The following TJP3 variants were observed in gnomAD, a reference collection of about 807,000 sequenced individuals.
The protein encoded by TJP3 is tight junction protein ZO-3.
TJP3 carries 85 observed loss-of-function variants against 104.2 expected under a neutral mutation model. That is an observed-to-expected ratio of 0.82 (90% CI 0.68 to 0.98). TJP3 has a LOEUF of 0.98. TJP3 is among the 50% of genes least tolerant of loss of function. The pLI is 0.00. For synonymous variants in TJP3, 550 were observed against 550.6 expected (o/e 1.00, Z 0.02); for missense variants, 1,367 against 1,322.8 (o/e 1.03, Z -0.52).
Position 3,746,851 on chromosome 19 carries a change from G to A in TJP3, c.2297G>A (p.Arg766Gln), listed in dbSNP as rs144396449. 7.0e-5 allele frequency: 113 copies of A among 1,610,632 alleles called. No individual in the cohort carries two copies. The highest frequency in any genetic ancestry group is 1.3e-4 in the African/African-American group (10 of 75,006). ...LKAIIREQQT[R>Q]PIWTAEDQLD... ...GCCATCATTCGAGAGCAGCAGACGC[G>A]GCCCATCTGGACGGCGGAAGATCAG... is the stretch of plus-strand genomic sequence containing the variant. The change falls in exon 18 of 21, where the codon CGG (arginine) becomes CAG (glutamine). Residue 766 changes from arginine (R) to glutamine (Q), a missense_variant. Arg to Gln is a conservative substitution (Grantham distance 43). Coordinates refer to ENST00000541714, the MANE Select transcript of TJP3 (RefSeq NM_001267560.2). This position sits in a 1 kb window ranked among gnomAD's most constrained non-coding sequence, Gnocchi z 4.1.
At chr19:3,716,269 C>T (rs1422860888) in intron 1 of TJP3, among the ~76,000 whole-genome samples, 1 of 148,396 alleles carries the variant, frequency 6.7e-6, no homozygotes, top group African/African-American at 2.4e-5. Context: ...GACGGGGTTT[C>T]ACCCTGTTGG....
chr19:3,724,359 C>T, intron 1 of TJP3, among the ~76,000 whole-genome samples: 1 of 152,134 alleles, frequency 6.6e-6, no homozygotes, highest in Non-Finnish European at 1.5e-5. Context: ...CCACGCCCTG[C>T]TAATTTTTTG....
rs1555737859 is a variant in TJP3 at position 3,723,808 on chromosome 19, A to ATAT, written c.-9-4616_-9-4615insTAT. On this transcript the variant is annotated intron_variant, in intron 1 of 20. Transcript: ENST00000541714. ...ACTCTGTCTCAAAAGAAAAAAAAAA[A>ATAT]ATATATATATATATATATATAAAAT... is the stretch of plus-strand genomic sequence containing the variant. Among the ~76,000 whole-genome samples, 671 of 128,924 alleles carry ATAT rather than the reference A, an allele frequency of 5.2e-3. 1 individual carries two copies. Among genetic ancestry groups the ATAT allele is most frequent in the Admixed American group, 5.9e-3 (75 of 12,648 alleles). The allele number at this position is 128,924 out of a possible 152,430, so 84.6% of individuals were successfully genotyped here. A position where few individuals can be genotyped will look rare whatever the true frequency, so the allele number is the denominator to read the frequency against.
intron 6 of TJP3, 30 bp from the exon 7 acceptor site, chr19:3,733,723 T>G (rs1173073326): frequency 1.2e-6 from 2 of 1,612,170 alleles, no homozygotes; most frequent in East Asian, 4.5e-5. Context: ...ATTAACTCAC[T>G]TCCGCTCTTT....
chr19:3,738,925 G>T lies in TJP3; in HGVS notation c.1422G>T (p.Val474=), dbSNP rs2036774295. Residue 474 remains valine, a synonymous_variant, in exon 13 of 21, where the codon GTG becomes GTT. Coordinates refer to ENST00000541714, the MANE Select transcript of TJP3 (RefSeq NM_001267560.2). ...TCTGGAAAATGGTGCAGTCCCGCGTGGGTGACTCCTTCTACATCCGCACTC... is the reference window on the plus strand; with the variant it reads ...TCTGGAAAATGGTGCAGTCCCGCGTTGGTGACTCCTTCTACATCCGCACTC... ...DIFWKMVQSR[V]GDSFYIRTHF... 1 of 1,609,714 alleles carries T rather than the reference G, an allele frequency of 6.2e-7. No homozygotes were observed. Among genetic ancestry groups the T allele is most frequent in the Non-Finnish European group, 8.5e-7 (1 of 1,177,568 alleles).
intron 1 of TJP3, among the ~76,000 whole-genome samples, chr19:3,724,881 T>TAA (rs370381790): frequency 6.9e-6 from 1 of 143,930 alleles, no homozygotes; most frequent in African/African-American, 2.5e-5. Context: ...CAAAGCAGGT[T>TAA]AAAAAAAAAA....
chr19:3,732,349 G>GGT (rs2036682767), intron 6 of TJP3, among the ~76,000 whole-genome samples: 2 of 152,050 alleles, frequency 1.3e-5, no homozygotes, highest in Non-Finnish European at 2.9e-5. Context: ...TAGGTGACTG[G>GGT]ATGCTAATGA....
chr19:3,715,333 C>T (rs1204393317), intron 1 of TJP3, among the ~76,000 whole-genome samples: 1 of 152,126 alleles, frequency 6.6e-6, no homozygotes, highest in Non-Finnish European at 1.5e-5. Flanking sequence ...TCGTGATCCG[C>T]CCGCCTCGGC....
Position 3,730,840 on chromosome 19 carries a change from C to A in TJP3, c.613+134C>A. 1.0e-6 allele frequency: 1 copy of A among 962,276 alleles called. No individual in the cohort carries two copies. The highest frequency in any genetic ancestry group is 1.5e-6 in the Non-Finnish European group (1 of 670,606). 59.6% of individuals were successfully genotyped at this position (962,276 alleles called of 1,614,324 possible). On this transcript the variant is annotated intron_variant, in intron 5 of 20. Transcript: ENST00000541714. This position sits in a 1 kb window ranked among gnomAD's most constrained non-coding sequence, Gnocchi z 7.3. ...GGACTCCAGGCGCCCGCCACCATGC[C>A]TGGCTAATTTTTGTACTTTTGGTAG... is the stretch of plus-strand genomic sequence containing the variant.
At chr19:3,745,753 G>C (rs1216083302) in intron 15 of TJP3, among the ~76,000 whole-genome samples, 2 of 152,192 alleles carry the variant, frequency 1.3e-5, no homozygotes, top group African/African-American at 4.8e-5. Context: ...TTGTCTCTGA[G>C]CCTCAGTTTC....
At chr19:3,710,362 G>A (rs904740185) in intron 1 of TJP3, among the ~76,000 whole-genome samples, 1 of 152,092 alleles carries the variant, frequency 6.6e-6, no homozygotes, top group African/African-American at 2.4e-5. Flanking sequence ...ACCCCGGGCC[G>A]CACAGCCAAG....
chr19:3,714,273 C>G (rs1230357392), intron 1 of TJP3, among the ~76,000 whole-genome samples: 2 of 151,984 alleles, frequency 1.3e-5, no homozygotes, highest in Non-Finnish European at 2.9e-5. Flanking sequence ...TGGTCTCAAA[C>G]TCCTGACCTC....
At chr19:3,718,662 T>G (rs963294594) in intron 1 of TJP3, among the ~76,000 whole-genome samples, 3 of 150,404 alleles carry the variant, frequency 2.0e-5, no homozygotes, top group African/African-American at 7.3e-5. Flanking sequence ...AGAGACAGGG[T>G]TTCACAATGT....
Position 3,730,805 on chromosome 19 carries a change from C to G in TJP3, c.613+99C>G. On this transcript the variant is annotated intron_variant, in intron 5 of 20. Coordinates refer to ENST00000541714, the MANE Select transcript of TJP3 (RefSeq NM_001267560.2). The surrounding 1 kb of genome is among the most constrained non-coding windows in gnomAD (Gnocchi z 7.3). ...AAGTGATTCTCCTGCCTCAGCCTCCCTGGTGGCTGGGACTCCAGGCGCCCG... is the reference window on the plus strand; with the variant it reads ...AAGTGATTCTCCTGCCTCAGCCTCCGTGGTGGCTGGGACTCCAGGCGCCCG... 1 of 1,312,154 alleles carries G rather than the reference C, an allele frequency of 7.6e-7. No individual in the cohort carries two copies. Among genetic ancestry groups the G allele is most frequent in the Non-Finnish European group, 1.0e-6 (1 of 978,288 alleles). The allele number at this position is 1,312,154 out of a possible 1,614,324, so 81.3% of individuals were successfully genotyped here. A position where few individuals can be genotyped will look rare whatever the true frequency, so the allele number is the denominator to read the frequency against.
In TJP3 at chr19:3,728,719, T is replaced by C. The variant is rs966609087; in HGVS notation, c.158+6T>C. 1.9e-6 allele frequency: 3 copies of C among 1,612,892 alleles called. No homozygotes were observed. The highest frequency in any genetic ancestry group is 2.5e-6 in the Non-Finnish European group (3 of 1,179,808). On this transcript the variant is annotated splice_donor_region_variant and intron_variant, in intron 3 of 20. Transcript: ENST00000541714. ...CCGGCGGAGGGCAGGCTACAGTGAGTATCCAGGCAGCTGGGTTCTGGCGGG... is the reference window on the plus strand; with the variant it reads ...CCGGCGGAGGGCAGGCTACAGTGAGCATCCAGGCAGCTGGGTTCTGGCGGG...
intron 1 of TJP3, among the ~76,000 whole-genome samples, chr19:3,716,293 G>A (rs961270975): frequency 1.3e-5 from 2 of 148,490 alleles, no homozygotes; most frequent in East Asian, 2.0e-4. Context: ...GGCTGCTCTC[G>A]AACTATTGAC....
Position 3,735,866 on chromosome 19 carries a change from C to T in TJP3, c.1061-3C>T. The T allele has an allele frequency of 6.2e-7, 1 of 1,614,090 alleles. No homozygotes were observed. Among genetic ancestry groups the T allele is most frequent in the African/African-American group, 1.3e-5 (1 of 75,028 alleles). On this transcript the variant is annotated splice_region_variant and splice_polypyrimidine_tract_variant and intron_variant, in intron 9 of 20. Coordinates refer to ENST00000541714, the MANE Select transcript of TJP3 (RefSeq NM_001267560.2). ...GGGAAAGAGACTGGCTTTTCCCTTT[C>T]AGAGTTGCCCAGGGAAAGCAGCTAT...
At chr19:3,712,687 G>A (rs1220172256) in intron 1 of TJP3, among the ~76,000 whole-genome samples, 4 of 152,086 alleles carry the variant, frequency 2.6e-5, no homozygotes, top group Admixed American at 6.6e-5. Context: ...GGTGGCTCCC[G>A]CCTGGAATCC....
In TJP3 at chr19:3,739,178, C is replaced by G. The variant is rs200025202; in HGVS notation, c.1631+44C>G. 26 of 1,472,160 alleles carry G rather than the reference C, an allele frequency of 1.8e-5. No individual in the cohort carries two copies. In the East Asian group the frequency reaches 4.2e-4, roughly 24 times the overall value. The allele number at this position is 1,472,160 out of a possible 1,614,324, so 91.2% of individuals were successfully genotyped here. ...TGCAGTGGGGCACTTCTGCTTCAGCCTCAGTCTCCCCGTTAGAAATGGGCT... is the reference window on the plus strand; with the variant it reads ...TGCAGTGGGGCACTTCTGCTTCAGCGTCAGTCTCCCCGTTAGAAATGGGCT... On this transcript the variant is annotated intron_variant, in intron 13 of 20. Coordinates refer to ENST00000541714, the MANE Select transcript of TJP3 (RefSeq NM_001267560.2).
Sources: gnomAD v4.1 joint callset for allele counts (sites outside exome capture counted in the v4.1 genomes callset) on GRCh38, gnomAD v4.1.1 for gene constraint, Gnocchi (gnomAD v3.1) non-coding constraint, MANE v1.5 for transcripts, NCBI Gene and HGNC (gene_info 2026-07-23, HGNC 2026-07-21) for gene names.